Variants in TNIP1 observed in about 807,000 individuals in gnomAD.
TNIP1 encodes TNFAIP3 interacting protein 1, also known as TNFAIP3-interacting protein 1.
In TNIP1, 22 loss-of-function variants were observed where a neutral mutation model predicts 86.6. The observed-to-expected ratio is 0.25, with a 90% CI of 0.18 to 0.36. The LOEUF is 0.36. TNIP1 is among the 10% of genes least tolerant of loss of function. The probability of loss-of-function intolerance (pLI) is 1.00; values close to 1 mark genes in which losing one functional copy is unlikely to be tolerated. For missense variants in TNIP1, 709 were observed against 820.6 expected (o/e 0.86, Z 1.66); for synonymous variants, 294 against 313.0 (o/e 0.94, Z 0.64).
intron 8 of TNIP1, among the ~76,000 whole-genome samples, chr5:151,047,148 G>A (rs889585300): frequency 6.6e-6 from 1 of 152,216 alleles, no homozygotes; most frequent in African/African-American, 2.4e-5. Flanking sequence ...GCCAAGTGAT[G>A]AAGGTTAACA....
intron 1 of TNIP1, among the ~76,000 whole-genome samples, chr5:151,073,678 G>A (rs1302897062): frequency 6.6e-6 from 1 of 151,806 alleles, no homozygotes; most frequent in African/African-American, 2.4e-5. Flanking sequence ...AGGATTGCTT[G>A]AGGCCAGGGG....
chr5:151,085,867 C>A (rs1487388736), upstream of TNIP1, among the ~76,000 whole-genome samples: 2 of 152,188 alleles, frequency 1.3e-5, no homozygotes. Flanking sequence ...CCCGGGAAGC[C>A]CTAACAGGGC....
chr5:151,081,899 T>C (rs1042627540), upstream of TNIP1, among the ~76,000 whole-genome samples: 1 of 152,216 alleles, frequency 6.6e-6, no homozygotes, highest in Admixed American at 6.5e-5. Context: ...GCTTATCCTT[T>C]TATTTTTAAA....
chr5:151,040,192 G>A (rs1026298668), intron 11 of TNIP1, among the ~76,000 whole-genome samples: 3 of 152,246 alleles, frequency 2.0e-5, no homozygotes, highest in African/African-American at 7.2e-5. Flanking sequence ...ATATATGCGA[G>A]AAAGGTCTGG....
rs952113853 is a variant in TNIP1, at chr5:151,059,820, A to G, written c.435+498T>C. ...GAGAGAGAGAGAGAGAGAGAGAGAG[A>G]GAGAGAGAGTGTGTGTGTGTGTGTG... On this transcript the variant is annotated intron_variant, in intron 5 of 17. Coordinates refer to ENST00000521591, the MANE Select transcript of TNIP1 (RefSeq NM_006058.5). 1.2e-3 allele frequency among the ~76,000 whole-genome samples: 110 copies of G among 93,818 alleles called. 1 individual carries two copies. The highest frequency in any genetic ancestry group is 5.3e-3 in the African/African-American group (98 of 18,346). 61.5% of individuals were successfully genotyped at this position (93,818 alleles called of 152,430 possible). A position where few individuals can be genotyped will look rare whatever the true frequency, so the allele number is the denominator to read the frequency against.
intron 11 of TNIP1, among the ~76,000 whole-genome samples, 155 bp from the exon 12 acceptor site, chr5:151,039,380 A>C (rs1198932905): frequency 6.6e-6 from 1 of 152,174 alleles, no homozygotes; most frequent in Admixed American, 6.5e-5. Flanking sequence ...AGTAATGTCC[A>C]TCCGGTCCTG....
intron 6 of TNIP1, among the ~76,000 whole-genome samples, chr5:151,052,937 G>GA (rs1446127718): frequency 6.6e-6 from 1 of 151,954 alleles, no homozygotes; most frequent in Non-Finnish European, 1.5e-5. Context: ...AGTCCTAGGG[G>GA]GGCTGAAAGG....
intron 1 of TNIP1, among the ~76,000 whole-genome samples, chr5:151,072,644 T>C (rs982604895): frequency 6.6e-6 from 1 of 152,174 alleles, no homozygotes; most frequent in Non-Finnish European, 1.5e-5. Context: ...GCCTTCTCTA[T>C]ACTGTTCCAC....
chr5:151,036,761 C>G (rs1400427715), intron 13 of TNIP1, 29 bp downstream of exon 13: 1 of 1,613,778 alleles, frequency 6.2e-7, no homozygotes, highest in Non-Finnish European at 8.5e-7. Flanking sequence ...CAGAGCACCT[C>G]CCACCTGATT....
chr5:151,050,301 T>C (rs1389236236), intron 7 of TNIP1, among the ~76,000 whole-genome samples: 9 of 151,946 alleles, frequency 5.9e-5, no homozygotes, highest in Admixed American at 5.2e-4. Context: ...ACGGAGACGG[T>C]GCGAGCTTGG....
rs17850875 is a variant in TNIP1 at position 151,056,950 on chromosome 5, C to T, written c.443G>A (p.Gly148Asp). ...SSSHANAMAL[G>D]PLPREDGNLM... Reference sequence around the variant, plus strand: ...GTTGCCGTCCTCACGGGGCAGGGGGCCCAGCGCCTGGAGAGGGAAAGGGCA... The same window carrying T: ...GTTGCCGTCCTCACGGGGCAGGGGGTCCAGCGCCTGGAGAGGGAAAGGGCA... Residue 148 changes from glycine to aspartate, a missense_variant, in exon 6 of 18, where the codon GGC becomes GAC. Transcript: ENST00000521591. 6.6e-7 allele frequency: 1 copy of T among 1,514,100 alleles called. No individual in the cohort carries two copies. The highest frequency in any genetic ancestry group is 8.9e-7 in the Non-Finnish European group (1 of 1,128,492). The allele number at this position is 1,514,100 out of a possible 1,614,324, so 93.8% of individuals were successfully genotyped here.
upstream of TNIP1, among the ~76,000 whole-genome samples, chr5:151,083,896 T>C (rs1371123990): frequency 6.6e-6 from 1 of 152,212 alleles, no homozygotes; most frequent in Non-Finnish European, 1.5e-5. Context: ...CTGTGTGCTA[T>C]CTCCGCGCTT....
chr5:151,033,664 G>A lies in TNIP1; in HGVS notation c.1723C>T (p.Pro575Ser). ...EDWSQIRYPP[P>S]PMAMEHPPPL... ...GGCGGGTGCTCCATGGCCATGGGGG[G>A]AGGGGGGTAGCGGATCTGGGACCAG... Residue 575 changes from proline to serine, a missense_variant, in exon 16 of 18, where the codon CCC (proline) becomes TCC (serine). Pro to Ser is a moderately conservative substitution (Grantham distance 74, BLOSUM62 -1). Coordinates refer to ENST00000521591, the MANE Select transcript of TNIP1 (RefSeq NM_006058.5). 2 of 1,345,126 alleles carry A rather than the reference G, an allele frequency of 1.5e-6. No individual in the cohort carries two copies. Among genetic ancestry groups the A allele is most frequent in the Non-Finnish European group, 1.9e-6 (2 of 1,033,946 alleles). The allele number at this position is 1,345,126 out of a possible 1,614,324, so 83.3% of individuals were successfully genotyped here.
At chr5:151,038,354 T>A (rs1757972209) in intron 12 of TNIP1, among the ~76,000 whole-genome samples, 1 of 152,204 alleles carries the variant, frequency 6.6e-6, no homozygotes, top group African/African-American at 2.4e-5. Context: ...GAATGTTTCC[T>A]TTCAAAGCTC....
intron 7 of TNIP1, among the ~76,000 whole-genome samples, 194 bp from the exon 8 acceptor site, chr5:151,050,141 T>C (rs1759717323): frequency 6.6e-6 from 1 of 152,280 alleles, no homozygotes; most frequent in Non-Finnish European, 1.5e-5. Flanking sequence ...AGGTCTCTGA[T>C]TGTCAATGGC....
chr5:151,071,585 T>C (rs1189332258), intron 1 of TNIP1, among the ~76,000 whole-genome samples: 6 of 152,042 alleles, frequency 3.9e-5, no homozygotes, highest in Admixed American at 3.9e-4. Flanking sequence ...CCCAGGTGGA[T>C]TTCCCTAACC....
chr5:151,078,890 C>G (rs770505504), intron 1 of TNIP1, among the ~76,000 whole-genome samples: 50 of 152,186 alleles, frequency 3.3e-4, no homozygotes, highest in Non-Finnish European at 5.9e-4. Flanking sequence ...AACGCTGCCT[C>G]TCTCAAATCA....
At position 151,059,852 on chromosome 5, in the gene TNIP1, TGTGTGTGTGTGTGTGCGCGCGC is replaced by T. The variant is rs1178449383; in HGVS notation, c.435+444_435+465del. 2.6e-3 allele frequency among the ~76,000 whole-genome samples: 262 copies of T among 101,808 alleles called. 1 individual carries two copies. The highest frequency in any genetic ancestry group is 9.9e-3 in the Middle Eastern group (2 of 202). 66.8% of individuals were successfully genotyped at this position (101,808 alleles called of 152,430 possible). ...GAGTGTGTGTGTGTGTGTGTGTGTG[TGTGTGTGTGTGTGTGCGCGCGC>T]GCGCGCGCATGCGTGTAAGTGGAAA... is the stretch of plus-strand genomic sequence containing the variant. On this transcript the variant is annotated intron_variant, in intron 5 of 17. Transcript: ENST00000521591.
Position 151,040,304 on chromosome 5 carries a change from G to C in TNIP1, c.1135-1079C>G, listed in dbSNP as rs80237011. On this transcript the variant is annotated intron_variant, in intron 11 of 17. Transcript: ENST00000521591. ...GGAAACTTTCACTTTGTAGCATGTG[G>C]ACATTTCATAACTGTGTATTCACAG... Among the ~76,000 whole-genome samples the C allele has an allele frequency of 5.6e-3, 849 of 152,338 alleles. 8 individuals carry two copies. Among genetic ancestry groups the C allele is most frequent in the African/African-American group, 0.02 (815 of 41,566 alleles).
Sources: allele counts gnomAD v4.1 joint callset (sites outside exome capture counted in the v4.1 genomes callset), GRCh38; gene constraint gnomAD v4.1.1; transcripts MANE v1.5; gene names NCBI Gene and HGNC (gene_info 2026-07-23, HGNC 2026-07-21).